The following RBM20 variants were observed in gnomAD, a reference collection of about 807,000 sequenced individuals.
RBM20 encodes RNA-binding protein 20.
Under a neutral mutation model 110.1 loss-of-function variants are expected in RBM20, and 51 were observed. The ratio of observed to expected loss-of-function variants is 0.46; its 90% CI spans 0.37 to 0.59. The LOEUF is 0.59. RBM20 is among the 20% of genes least tolerant of loss of function. The probability of loss-of-function intolerance (pLI) is 0.00; values close to 1 mark genes in which losing one functional copy is unlikely to be tolerated. For missense variants in RBM20, 1,512 were observed against 1,574.9 expected (o/e 0.96, Z 0.68); for synonymous variants, 589 against 618.2 (o/e 0.95, Z 0.70).
At chr10:110,822,669 G>A (rs1337213386) in intron 11 of RBM20, among the ~76,000 whole-genome samples, 1 of 152,194 alleles carries the variant, frequency 6.6e-6, no homozygotes, top group African/African-American at 2.4e-5. Context: ...AAAGCCTGTA[G>A]CACACCAGAG....
At chr10:110,687,042 GA>G (rs566369908) in intron 1 of RBM20, among the ~76,000 whole-genome samples, 2,399 of 114,924 alleles carry the variant, frequency 0.021, 64 homozygotes, top group African/African-American at 0.074. Context: ...GTCTCAAAAA[GA>G]AAAAAAAAAA....
intron 1 of RBM20, among the ~76,000 whole-genome samples, chr10:110,698,271 T>A (rs1862698062): frequency 6.6e-6 from 1 of 152,130 alleles, no homozygotes; most frequent in Admixed American, 6.5e-5. Context: ...CTTCCCAGCA[T>A]TGCTCCAGCA....
intron 1 of RBM20, among the ~76,000 whole-genome samples, chr10:110,734,445 T>A (rs943093082): frequency 2.6e-5 from 4 of 152,252 alleles, no homozygotes; most frequent in Non-Finnish European, 4.4e-5. Flanking sequence ...TTGAGTATTC[T>A]TTGAACTACA....
intron 3 of RBM20, among the ~76,000 whole-genome samples, chr10:110,783,775 T>A (rs1175065064): frequency 6.6e-6 from 1 of 152,228 alleles, no homozygotes; most frequent in Non-Finnish European, 1.5e-5. Flanking sequence ...GAAAATACTT[T>A]GAAGTATACA....
intron 1 of RBM20, among the ~76,000 whole-genome samples, chr10:110,669,302 G>A (rs1355347941): frequency 6.6e-6 from 1 of 152,146 alleles, no homozygotes; most frequent in Non-Finnish European, 1.5e-5. Flanking sequence ...GTGTGGCGGG[G>A]TAGGGGGGAC....
At chr10:110,752,376 T>C (rs1176849005) in intron 1 of RBM20, among the ~76,000 whole-genome samples, 10 of 152,252 alleles carry the variant, frequency 6.6e-5, no homozygotes, top group Non-Finnish European at 1.5e-4. Context: ...ACTTGATAGT[T>C]CATTTCCTTT....
intron 7 of RBM20, among the ~76,000 whole-genome samples, chr10:110,801,581 C>T (rs1844624838): frequency 6.6e-6 from 1 of 152,048 alleles, no homozygotes. Flanking sequence ...TGTCACCAGG[C>T]TGGAGCGCAG....
chr10:110,813,550 G>A (rs61862919), intron 9 of RBM20, among the ~76,000 whole-genome samples: 1,773 of 152,130 alleles, frequency 0.012, 11 homozygotes, highest in Non-Finnish European at 0.015. Flanking sequence ...AAAAATGCAC[G>A]GTGGCTGGGC....
chr10:110,737,407 G>A (rs983128205), intron 1 of RBM20, among the ~76,000 whole-genome samples: 2 of 152,028 alleles, frequency 1.3e-5, no homozygotes, highest in African/African-American at 4.8e-5. Flanking sequence ...TTAGCAATCT[G>A]AAATGACTAA....
intron 1 of RBM20, among the ~76,000 whole-genome samples, chr10:110,722,854 G>A (rs1463278290): frequency 6.6e-6 from 1 of 152,202 alleles, no homozygotes; most frequent in Non-Finnish European, 1.5e-5. Flanking sequence ...GCTTAAACCT[G>A]TAATCCCAGC....
chr10:110,668,999 G>C (rs975394144), intron 1 of RBM20, among the ~76,000 whole-genome samples: 8 of 151,916 alleles, frequency 5.3e-5, no homozygotes, highest in Admixed American at 5.2e-4. Flanking sequence ...CATATTTACA[G>C]TTTGTTAAAG....
intron 1 of RBM20, among the ~76,000 whole-genome samples, chr10:110,738,814 G>A (rs181688815): frequency 1.1e-4 from 17 of 152,298 alleles, no homozygotes; most frequent in African/African-American, 3.4e-4. Context: ...GGATAGAGGA[G>A]GTGGCGAGGC....
chr10:110,665,761 T>C (rs1463216918), intron 1 of RBM20, among the ~76,000 whole-genome samples: 3 of 152,158 alleles, frequency 2.0e-5, no homozygotes, highest in Non-Finnish European at 2.9e-5. Context: ...ATGTGAACAT[T>C]AAAAAGAATA....
intron 5 of RBM20, among the ~76,000 whole-genome samples, chr10:110,787,697 C>G (rs1302201090): frequency 6.6e-6 from 1 of 152,224 alleles, no homozygotes; most frequent in Admixed American, 6.5e-5. Flanking sequence ...AGTGCCACTT[C>G]CTCCGAACAC....
intron 5 of RBM20, among the ~76,000 whole-genome samples, chr10:110,794,891 G>A (rs555250811): frequency 6.6e-6 from 1 of 152,228 alleles, no homozygotes; most frequent in Non-Finnish European, 1.5e-5. Context: ...AGCAGTTGCT[G>A]TGCTATGTTC....
intron 4 of RBM20, 75 bp from the exon 5 acceptor site, chr10:110,784,717 C>A: frequency 1.0e-6 from 1 of 965,712 alleles, no homozygotes; most frequent in Non-Finnish European, 1.6e-6. Flanking sequence ...GTTTTCTATG[C>A]CTGCTTATGT....
At chr10:110,801,700 CTTTTTT>C (rs61281177) in intron 7 of RBM20, among the ~76,000 whole-genome samples, 3 of 116,762 alleles carry the variant, frequency 2.6e-5, no homozygotes, top group Non-Finnish European at 5.1e-5. Context: ...TGCCTGGCTA[CTTTTTT>C]TTTTTTTTTT....
intron 8 of RBM20, 36 bp downstream of exon 8, chr10:110,810,498 TG>T (rs890955735): frequency 4.4e-5 from 64 of 1,462,236 alleles, no homozygotes; most frequent in Admixed American, 1.8e-4. Flanking sequence ...AGGCAGGTTC[TG>T]GGCAGTGGGA....
rs1381782970 is a variant in RBM20, at chr10:110,781,187, C to G, written c.578C>G (p.Ala193Gly). The G allele has an allele frequency of 1.9e-6, 3 of 1,551,686 alleles. No individual in the cohort carries two copies. Among genetic ancestry groups the G allele is most frequent in the Non-Finnish European group, 1.7e-6 (2 of 1,146,998 alleles). Residue 193 changes from alanine (A) to glycine (G), a missense_variant, in exon 2 of 14, where the codon GCC becomes GGC. By Grantham distance (60) the Ala-to-Gly change is moderately conservative. Transcript: ENST00000369519. ...AACCTTCCCAACCAGCCACCCAGTG[C>G]CATGGTGATGCATCCTTTCACTGGG... The part of the protein sequence containing the change: ...SMNLPNQPPS[A>G]MVMHPFTGVM...
Sources: allele counts gnomAD v4.1 joint callset (sites outside exome capture counted in the v4.1 genomes callset), GRCh38; gene constraint gnomAD v4.1.1; transcripts MANE v1.5; gene names NCBI Gene and HGNC (gene_info 2026-07-23, HGNC 2026-07-21).